EPHA4: variants seen among roughly 807,000 people sequenced by gnomAD.
The protein encoded by EPHA4 is ephrin type-A receptor 4.
Under a neutral mutation model 108.3 loss-of-function variants are expected in EPHA4, and 19 were observed. That is an observed-to-expected ratio of 0.18 (90% CI 0.12 to 0.26). The LOEUF (loss-of-function observed/expected upper bound fraction) is 0.26, where lower values mean the gene tolerates loss of function less well. Ranked by LOEUF, EPHA4 falls within the 10% of genes least tolerant of loss-of-function variation. The pLI, the probability that EPHA4 is intolerant of heterozygous loss-of-function variation, is 1.00. For missense variants in EPHA4, 917 were observed against 1,254.0 expected (o/e 0.73, Z 4.06); for synonymous variants, 449 against 455.5 (o/e 0.99, Z 0.18).
intron 5 of EPHA4, among the ~76,000 whole-genome samples, chr2:221,481,158 A>G (rs986504881): frequency 1.3e-5 from 2 of 152,244 alleles, no homozygotes. Flanking sequence ...TGAGTAAGTC[A>G]GAAGCGAAAG....
intron 17 of EPHA4, among the ~76,000 whole-genome samples, chr2:221,420,865 G>T (rs1396133091): frequency 6.6e-6 from 1 of 152,068 alleles, no homozygotes; most frequent in Non-Finnish European, 1.5e-5. Flanking sequence ...CTCTGGAGTG[G>T]CAAGGCTGGG....
At chr2:221,423,851 G>A (rs111763063) in intron 17 of EPHA4, among the ~76,000 whole-genome samples, 29 of 152,142 alleles carry the variant, frequency 1.9e-4, no homozygotes, top group African/African-American at 6.7e-4. Flanking sequence ...CGCAGTGACC[G>A]ACGCCTGTAA....
At chr2:221,485,775 G>C (rs1257943066) in intron 4 of EPHA4, among the ~76,000 whole-genome samples, 2 of 152,098 alleles carry the variant, frequency 1.3e-5, no homozygotes, top group Admixed American at 6.5e-5. Context: ...TTAGGAGGAG[G>C]AGAATAAAAG....
At chr2:221,567,469 G>A (rs1330994633) in intron 2 of EPHA4, among the ~76,000 whole-genome samples, 2 of 152,106 alleles carry the variant, frequency 1.3e-5, no homozygotes, top group African/African-American at 4.8e-5. Context: ...CACTGCCAGA[G>A]GCCTGCCAAT....
Position 221,564,218 on chromosome 2 carries a change from C to T in EPHA4, c.336G>A (p.Pro112=), listed in dbSNP as rs759694435. 51 of 1,614,084 alleles carry T rather than the reference C, an allele frequency of 3.2e-5. No homozygotes were observed. Among genetic ancestry groups the T allele is most frequent in the Non-Finnish European group, 4.2e-5 (50 of 1,180,008 alleles). Residue 112 remains proline (P), a synonymous_variant, in exon 3 of 18, where the codon CCG becomes CCA. Coordinates refer to ENST00000281821, the MANE Select transcript of EPHA4 (RefSeq NM_004438.5). ...KFTLRDCNSL[P]GVMGTCKETF... Reference sequence around the variant, plus strand: ...TCTCCTTGCAAGTCCCCATGACGCCCGGAAGACTATTGCAGTCCCTCAAGG... The same window carrying T: ...TCTCCTTGCAAGTCCCCATGACGCCTGGAAGACTATTGCAGTCCCTCAAGG...
At chr2:221,459,936 C>G (rs995019550) in intron 5 of EPHA4, among the ~76,000 whole-genome samples, 3 of 152,090 alleles carry the variant, frequency 2.0e-5, no homozygotes, top group Non-Finnish European at 4.4e-5. Flanking sequence ...GAAAGAATTG[C>G]CTGCCTGCCC....
chr2:221,499,390 C>T (rs1692402696), intron 4 of EPHA4, among the ~76,000 whole-genome samples: 1 of 150,786 alleles, frequency 6.6e-6, no homozygotes, highest in South Asian at 2.1e-4. Context: ...ACCTACCTAA[C>T]AGATTTCTTA....
chr2:221,475,633 G>A (rs926500433), intron 5 of EPHA4, among the ~76,000 whole-genome samples: 1 of 152,178 alleles, frequency 6.6e-6, no homozygotes, highest in Non-Finnish European at 1.5e-5. Context: ...CTCTGTTGCA[G>A]CTACTCAACT....
intron 4 of EPHA4, among the ~76,000 whole-genome samples, chr2:221,483,518 G>A (rs1011175645): frequency 2.0e-5 from 3 of 151,568 alleles, no homozygotes; most frequent in East Asian, 1.9e-4. Context: ...GTGTGTGTGT[G>A]TGTGTGTGTG....
At chr2:221,467,771 G>A (rs1444840292) in intron 5 of EPHA4, among the ~76,000 whole-genome samples, 1 of 152,170 alleles carries the variant, frequency 6.6e-6, no homozygotes, top group Non-Finnish European at 1.5e-5. Flanking sequence ...GTTTCGTCTG[G>A]GAGCTGCTTG....
chr2:221,542,567 A>T lies in EPHA4; in HGVS notation c.823+21164T>A, dbSNP rs376748186. On this transcript the variant is annotated intron_variant, in intron 3 of 17. Transcript: ENST00000281821. ...TTCCAGTTGGTGAAACCCTAAAGGC[A>T]TTCTGTAAAATTGTAAGACTACAGT... 9.8e-5 allele frequency among the ~76,000 whole-genome samples: 15 copies of T among 152,342 alleles called. No individual in the cohort carries two copies. In the East Asian group the frequency reaches 2.7e-3, roughly 27 times the overall value.
chr2:221,443,705 A>G (rs1690503797), intron 9 of EPHA4, 99 bp from the exon 10 acceptor site: 2 of 836,680 alleles, frequency 2.4e-6, no homozygotes, highest in Admixed American at 2.1e-5. Flanking sequence ...GGAAAAGTCA[A>G]GTTAGCTGTA....
intron 14 of EPHA4, among the ~76,000 whole-genome samples, chr2:221,433,585 T>C (rs1690144437): frequency 6.6e-6 from 1 of 152,174 alleles, no homozygotes; most frequent in Non-Finnish European, 1.5e-5. Context: ...ATTGAATCCT[T>C]TTCTGAAATT....
At chr2:221,505,619 T>C (rs1055592287) in intron 3 of EPHA4, among the ~76,000 whole-genome samples, 9 of 152,292 alleles carry the variant, frequency 5.9e-5, no homozygotes, top group African/African-American at 1.9e-4. Context: ...CCATCACACC[T>C]GGGCTAAAAT....
intron 5 of EPHA4, among the ~76,000 whole-genome samples, chr2:221,462,723 GTC>G (rs1691187467): frequency 6.6e-6 from 1 of 152,154 alleles, no homozygotes; most frequent in Non-Finnish European, 1.5e-5. Flanking sequence ...TATAAATGGA[GTC>G]TCTGTTTCTA....
At chr2:221,525,402 G>A (rs77388605) in intron 3 of EPHA4, among the ~76,000 whole-genome samples, 2,484 of 152,144 alleles carry the variant, frequency 0.016, 78 homozygotes, top group East Asian at 0.07. Flanking sequence ...ATTTCCTTTC[G>A]GTTAAAAAAG....
chr2:221,500,035 G>A lies in EPHA4; in HGVS notation c.979+982C>T, dbSNP rs370705264. Among the ~76,000 whole-genome samples the A allele has an allele frequency of 3.5e-4, 53 of 152,020 alleles. 1 individual carries two copies. Among genetic ancestry groups the A allele is most frequent in the African/African-American group, 1.2e-3 (50 of 41,460 alleles). On this transcript the variant is annotated intron_variant, in intron 4 of 17. Coordinates refer to ENST00000281821, the MANE Select transcript of EPHA4 (RefSeq NM_004438.5). ...GCCTCCCAAAGTGCTGGGATTACAG[G>A]CGTGAGCCACCGCTCCCGGCCAAAG...
intron 5 of EPHA4, among the ~76,000 whole-genome samples, chr2:221,469,920 C>T (rs1691428288): frequency 6.6e-6 from 1 of 152,152 alleles, no homozygotes; most frequent in Non-Finnish European, 1.5e-5. Flanking sequence ...ATCACGTGAG[C>T]TGCTCCAAAA....
At chr2:221,469,404 C>T (rs190277831) in intron 5 of EPHA4, among the ~76,000 whole-genome samples, 12 of 152,240 alleles carry the variant, frequency 7.9e-5, no homozygotes, top group Non-Finnish European at 1.2e-4. Flanking sequence ...AGCACCAACA[C>T]GAGAGGCTCA....
Sources: allele counts gnomAD v4.1 joint callset (sites outside exome capture counted in the v4.1 genomes callset), GRCh38; gene constraint gnomAD v4.1.1; transcripts MANE v1.5; gene names NCBI Gene and HGNC (gene_info 2026-07-23, HGNC 2026-07-21).